The following ZFPM2 variants were observed in gnomAD, a reference collection of about 807,000 sequenced individuals.
ZFPM2 encodes zinc finger protein ZFPM2.
ZFPM2 carries 20 observed loss-of-function variants against 98.6 expected under a neutral mutation model. That is an observed-to-expected ratio of 0.20 (90% CI 0.14 to 0.29). ZFPM2 has a LOEUF of 0.29. Ranked by LOEUF, ZFPM2 falls within the 10% of genes least tolerant of loss-of-function variation. The pLI is 1.00. For synonymous variants in ZFPM2, 518 were observed against 502.7 expected (o/e 1.03, Z -0.41); for missense variants, 1,310 against 1,388.6 (o/e 0.94, Z 0.90).
At chr8:105,474,131 C>T (rs557963338) in intron 3 of ZFPM2, among the ~76,000 whole-genome samples, 5 of 152,330 alleles carry the variant, frequency 3.3e-5, no homozygotes, top group African/African-American at 7.2e-5. Flanking sequence ...ACTGGATGTG[C>T]TCCCGAATAA....
intron 4 of ZFPM2, among the ~76,000 whole-genome samples, chr8:105,592,171 T>C (rs1442865990): frequency 1.3e-5 from 2 of 152,008 alleles, no homozygotes; most frequent in Non-Finnish European, 2.9e-5. Flanking sequence ...AAAGCAAAAC[T>C]ATCAAAAGGT....
chr8:105,392,119 A>C (rs968921445), intron 1 of ZFPM2, among the ~76,000 whole-genome samples: 2 of 152,164 alleles, frequency 1.3e-5, no homozygotes, highest in African/African-American at 4.8e-5. Flanking sequence ...TCTCCATCAG[A>C]GCTCTTGGGT....
intron 3 of ZFPM2, among the ~76,000 whole-genome samples, chr8:105,484,013 T>G (rs985898165): frequency 3.9e-5 from 6 of 152,052 alleles, no homozygotes; most frequent in South Asian, 4.1e-4. Context: ...GGATTACAGG[T>G]GTGAGCCACT....
intron 4 of ZFPM2, among the ~76,000 whole-genome samples, chr8:105,618,672 A>G (rs1181063510): frequency 6.6e-6 from 1 of 152,144 alleles, no homozygotes; most frequent in Non-Finnish European, 1.5e-5. Context: ...TTAATCACCA[A>G]AATGACCCTA....
intron 5 of ZFPM2, among the ~76,000 whole-genome samples, chr8:105,669,466 A>G (rs1203274558): frequency 6.6e-6 from 1 of 151,462 alleles, no homozygotes; most frequent in East Asian, 1.9e-4. Context: ...TAATGTATAT[A>G]TAATGATAAT....
chr8:105,564,177 G>A (rs1282895061), intron 4 of ZFPM2, among the ~76,000 whole-genome samples: 2 of 151,844 alleles, frequency 1.3e-5, no homozygotes, highest in African/African-American at 2.4e-5. Flanking sequence ...TTTTTAAAAG[G>A]CGTTAACTTA....
At position 105,318,642 on chromosome 8, in the gene ZFPM2, C is replaced by G. The variant is rs1586288143; in HGVS notation, c.-300C>G. 1 of 151,272 alleles carries G rather than the reference C, an allele frequency of 6.6e-6. No individual in the cohort carries two copies. The highest frequency in any genetic ancestry group is 1.5e-5 in the Non-Finnish European group (1 of 67,834). The allele number at this position is 151,272 out of a possible 1,614,324, so 9.4% of individuals were successfully genotyped here. A position where few individuals can be genotyped will look rare whatever the true frequency, so the allele number is the denominator to read the frequency against. The stretch of plus-strand genomic sequence containing the variant: ...TTTTCTCTTCTCTTTCCCCTTTTCT[C>G]TCTCCCTGACCGTTCGCTTGTACAT... On this transcript the variant is annotated 5_prime_UTR_variant, in exon 1 of 8. Coordinates refer to ENST00000407775, the MANE Select transcript of ZFPM2 (RefSeq NM_012082.4).
intron 5 of ZFPM2, among the ~76,000 whole-genome samples, chr8:105,770,825 G>A (rs1215712456): frequency 5.3e-5 from 8 of 152,278 alleles, no homozygotes; most frequent in East Asian, 3.9e-4. Flanking sequence ...ACAACTCACA[G>A]AGAGGAAGGT....
At chr8:105,595,502 A>G (rs1815949002) in intron 4 of ZFPM2, among the ~76,000 whole-genome samples, 1 of 152,134 alleles carries the variant, frequency 6.6e-6, no homozygotes, top group South Asian at 2.1e-4. Flanking sequence ...GATTTTAAGA[A>G]GAGTTTTGAA....
chr8:105,561,463 C>A lies in ZFPM2; in HGVS notation c.402C>A (p.Asp134Glu). 1 of 1,612,084 alleles carries A rather than the reference C, an allele frequency of 6.2e-7. No homozygotes were observed. The highest frequency in any genetic ancestry group is 8.5e-7 in the Non-Finnish European group (1 of 1,178,928). ...GGGGGCCGTTTCCTGGGAAGATGGA[C>A]TTGAATAATAATTCTTTGGTATGTG... ...TTWGPFPGKM[D>E]LNNNSLKTKA... The change falls in exon 4 of 8, where the codon GAC (aspartate) becomes GAA (glutamate). Residue 134 changes from aspartate to glutamate, a missense_variant. Asp to Glu is a conservative substitution (Grantham distance 45). Transcript: ENST00000407775.
At chr8:105,627,052 T>C (rs904284400) in intron 4 of ZFPM2, among the ~76,000 whole-genome samples, 7 of 152,156 alleles carry the variant, frequency 4.6e-5, no homozygotes, top group Non-Finnish European at 8.8e-5. Context: ...TCCAGCAAAA[T>C]TTGGAATCCC....
intron 3 of ZFPM2, among the ~76,000 whole-genome samples, chr8:105,550,031 G>A (rs544134705): frequency 3.3e-5 from 5 of 152,108 alleles, no homozygotes; most frequent in African/African-American, 7.2e-5. Context: ...TGATTATCAG[G>A]TGGAGAGAGG....
chr8:105,512,098 T>A (rs1813829420), intron 3 of ZFPM2, among the ~76,000 whole-genome samples: 1 of 152,126 alleles, frequency 6.6e-6, no homozygotes, highest in South Asian at 2.1e-4. Context: ...TGAGCTGAGA[T>A]CATCCCACTG....
rs1812161289 is a variant in ZFPM2, at chr8:105,328,792, C to T, written c.40+9811C>T. Among the ~76,000 whole-genome samples the T allele has an allele frequency of 2.0e-5, 3 of 151,782 alleles. No homozygotes were observed. The South Asian group carries it at 6.2e-4, about 31-fold the overall frequency. On this transcript the variant is annotated intron_variant, in intron 1 of 7. Coordinates refer to ENST00000407775, the MANE Select transcript of ZFPM2 (RefSeq NM_012082.4). ...TCAAATTCTCATTTTGGTAGCCTTT[C>T]TGCTTACATTGACATAAAAATAACC... is the stretch of plus-strand genomic sequence containing the variant.
chr8:105,488,925 GTAAT>G (rs1813292874), intron 3 of ZFPM2, among the ~76,000 whole-genome samples: 1 of 152,016 alleles, frequency 6.6e-6, no homozygotes, highest in African/African-American at 2.4e-5. Context: ...GGTCCATTAT[GTAAT>G]TTAGTTTGAA....
chr8:105,651,087 G>C (rs3779771), intron 5 of ZFPM2, among the ~76,000 whole-genome samples: 56 of 152,078 alleles, frequency 3.7e-4, no homozygotes, highest in African/African-American at 1.2e-3. Flanking sequence ...TGTGGGGCTT[G>C]ATCTAGTCAT....
chr8:105,483,541 G>A (rs1813166082), intron 3 of ZFPM2, among the ~76,000 whole-genome samples: 1 of 150,534 alleles, frequency 6.6e-6, no homozygotes, highest in African/African-American at 2.4e-5. Context: ...AGTGAGCTGA[G>A]ATCCTGCCAC....
chr8:105,678,812 G>C (rs1810533796), intron 5 of ZFPM2: 1 of 152,172 alleles, frequency 6.6e-6, no homozygotes, highest in South Asian at 2.1e-4. Flanking sequence ...GCACAGCAGA[G>C]TATGCTATGT....
intron 1 of ZFPM2, among the ~76,000 whole-genome samples, chr8:105,404,421 A>G (rs1438067688): frequency 1.3e-5 from 2 of 152,028 alleles, no homozygotes; most frequent in East Asian, 3.9e-4. Context: ...ATTCTATTTG[A>G]CGTCTTATTA....
Sources: gnomAD v4.1 joint callset for allele counts (sites outside exome capture counted in the v4.1 genomes callset) on GRCh38, gnomAD v4.1.1 for gene constraint, MANE v1.5 for transcripts, NCBI Gene and HGNC (gene_info 2026-07-23, HGNC 2026-07-21) for gene names.